BRMS1L: variants seen among roughly 807,000 people sequenced by gnomAD.
The protein encoded by BRMS1L is breast cancer metastasis-suppressor 1-like protein.
Under a neutral mutation model 50.3 loss-of-function variants are expected in BRMS1L, and 23 were observed. That is an observed-to-expected ratio of 0.46 (90% CI 0.33 to 0.65). BRMS1L has a LOEUF of 0.65. Among genes scored for constraint, BRMS1L ranks in the 30% least tolerant of loss-of-function variants. The pLI, the probability that BRMS1L is intolerant of heterozygous loss-of-function variation, is 0.02. For synonymous variants in BRMS1L, 114 were observed against 126.9 expected (o/e 0.90, Z 0.69); for missense variants, 286 against 386.1 (o/e 0.74, Z 2.17).
intron 1 of BRMS1L, among the ~76,000 whole-genome samples, chr14:35,827,874 G>GAATGAGTAGAATT (rs1327878649): frequency 6.6e-6 from 1 of 152,192 alleles, no homozygotes; most frequent in Non-Finnish European, 1.5e-5. Context: ...GTTTGGGGTG[G>GAATGAGTAGAATT]TGGGTATCCC....
intron 8 of BRMS1L, chr14:35,866,011 G>A (rs1391764605): frequency 2.4e-6 from 1 of 413,562 alleles, no homozygotes; most frequent in Non-Finnish European, 4.2e-6. Flanking sequence ...ACTCAAAAAA[G>A]TATTTATGCA....
chr14:35,870,131 A>T (rs898759393), intron 9 of BRMS1L, among the ~76,000 whole-genome samples: 12 of 151,894 alleles, frequency 7.9e-5, no homozygotes, highest in African/African-American at 2.9e-4. Context: ...TCTAATAGAA[A>T]GTAAATTTTA....
intron 5 of BRMS1L, among the ~76,000 whole-genome samples, chr14:35,863,370 A>T (rs2078378038): frequency 6.6e-6 from 1 of 152,176 alleles, no homozygotes. Context: ...AGGTTATCCT[A>T]CAGTTCTTGA....
At chr14:35,855,078 G>A (rs575342015) in intron 4 of BRMS1L, among the ~76,000 whole-genome samples, 2 of 152,332 alleles carry the variant, frequency 1.3e-5, no homozygotes, top group Admixed American at 6.5e-5. Flanking sequence ...AGAGATCCCA[G>A]TTCCAGTTCC....
intron 8 of BRMS1L, among the ~76,000 whole-genome samples, chr14:35,867,542 C>T (rs374799180): frequency 1.3e-4 from 19 of 151,950 alleles, no homozygotes; most frequent in South Asian, 2.1e-4. Flanking sequence ...ATCAGATGCC[C>T]GCAGGGGAAA....
At chr14:35,827,129 C>T (rs2077857412) in intron 1 of BRMS1L, among the ~76,000 whole-genome samples, 1 of 152,172 alleles carries the variant, frequency 6.6e-6, no homozygotes, top group Admixed American at 6.5e-5. Flanking sequence ...AGTGTCTTTT[C>T]GGGGGCTAAC....
intron 1 of BRMS1L, chr14:35,829,959 C>T (rs1025995166): frequency 3.2e-5 from 17 of 524,698 alleles, no homozygotes; most frequent in African/African-American, 8.3e-5. Context: ...CCTCATTTGC[C>T]TCTTTCTCAC....
chr14:35,838,367 A>G (rs1216633828), intron 4 of BRMS1L, among the ~76,000 whole-genome samples: 1 of 152,226 alleles, frequency 6.6e-6, no homozygotes, highest in Non-Finnish European at 1.5e-5. Context: ...AGAATGATTT[A>G]TAATCCTTTG....
At chr14:35,868,280 G>C (rs952668186) in intron 9 of BRMS1L, among the ~76,000 whole-genome samples, 5 of 152,162 alleles carry the variant, frequency 3.3e-5, no homozygotes, top group Admixed American at 2.0e-4. Context: ...TAGCCAGGTA[G>C]CTGATCCTGT....
rs1489111844 is a variant in BRMS1L at position 35,832,462 on chromosome 14, C to T, written c.234-516C>T. On this transcript the variant is annotated intron_variant, in intron 2 of 9. Transcript: ENST00000216807. ...GCGGAGCTTGAAGTGAGCGAGATTGCGCCACTGCACTCCAGCCTGGGTGAC... is the reference window on the plus strand; with the variant it reads ...GCGGAGCTTGAAGTGAGCGAGATTGTGCCACTGCACTCCAGCCTGGGTGAC... Among the ~76,000 whole-genome samples, 8 of 149,960 alleles carry T rather than the reference C, an allele frequency of 5.3e-5. No individual in the cohort carries two copies. The East Asian group carries it at 1.2e-3, about 22-fold the overall frequency.
intron 1 of BRMS1L, chr14:35,829,800 CTTTTA>C (rs1344666191): frequency 1.6e-6 from 2 of 1,237,568 alleles, no homozygotes; most frequent in Non-Finnish European, 2.1e-6. Context: ...CATAGTTTGA[CTTTTA>C]TTTGATGAAG....
At chr14:35,829,852 G>C in intron 1 of BRMS1L, 1 of 1,255,384 alleles carries the variant, frequency 8.0e-7, no homozygotes, top group East Asian at 5.9e-5. Context: ...CAGTTATTTT[G>C]ATGAATGAAT....
intron 1 of BRMS1L, chr14:35,826,915 T>TG: frequency 2.1e-6 from 1 of 478,776 alleles, no homozygotes; most frequent in East Asian, 3.9e-5. Flanking sequence ...CCCCCGGTGG[T>TG]GCTCTGGAGC....
intron 4 of BRMS1L, among the ~76,000 whole-genome samples, chr14:35,859,499 A>C (rs1466917437): frequency 6.6e-6 from 1 of 152,156 alleles, no homozygotes; most frequent in Non-Finnish European, 1.5e-5. Context: ...TCCTTTGTAC[A>C]TGACCTGTTT....
At chr14:35,852,649 C>A (rs932038374) in intron 4 of BRMS1L, among the ~76,000 whole-genome samples, 1 of 152,044 alleles carries the variant, frequency 6.6e-6, no homozygotes, top group Admixed American at 6.5e-5. Context: ...TTTCTAATAT[C>A]GGCCAGGCGC....
intron 3 of BRMS1L, among the ~76,000 whole-genome samples, 169 bp downstream of exon 3, chr14:35,833,274 C>T (rs1337790350): frequency 1.3e-5 from 2 of 151,164 alleles, no homozygotes; most frequent in Non-Finnish European, 2.9e-5. Flanking sequence ...TTGAATACCT[C>T]TTGCTTTGCT....
chr14:35,831,875 C>T (rs563587057), intron 2 of BRMS1L, among the ~76,000 whole-genome samples: 13 of 151,700 alleles, frequency 8.6e-5, no homozygotes, highest in Non-Finnish European at 1.8e-4. Context: ...GAGCTGTGCT[C>T]GTGCCATTGC....
intron 4 of BRMS1L, among the ~76,000 whole-genome samples, chr14:35,861,664 A>G (rs2078353187): frequency 6.6e-6 from 1 of 152,158 alleles, no homozygotes; most frequent in Admixed American, 6.5e-5. Context: ...ACACTCAGGA[A>G]ACCCTTCAAG....
rs764139522 is a variant in BRMS1L at position 35,826,692 on chromosome 14, G to A, written c.142+34G>A. ...CCCACTGCTGGGACCCTGAGTCCCC[G>A]CGCCCAGCGCGCGACAGGCCGCTCT... On this transcript the variant is annotated intron_variant, in intron 1 of 9. Transcript: ENST00000216807. 65 of 1,601,814 alleles carry A rather than the reference G, an allele frequency of 4.1e-5. No individual in the cohort carries two copies. The East Asian group carries it at 1.1e-3, about 27-fold the overall frequency.
Sources: allele counts gnomAD v4.1 joint callset (sites outside exome capture counted in the v4.1 genomes callset), GRCh38; gene constraint gnomAD v4.1.1; transcripts MANE v1.5; gene names NCBI Gene and HGNC (gene_info 2026-07-23, HGNC 2026-07-21).